Variants in CLASP1 observed in about 807,000 individuals in gnomAD.
CLASP1 encodes the protein cytoplasmic linker associated protein 1.
Under a neutral mutation model 192.3 loss-of-function variants are expected in CLASP1, and 38 were observed. The ratio of observed to expected loss-of-function variants is 0.20; its 90% CI spans 0.15 to 0.26. The LOEUF is 0.26. Among genes scored for constraint, CLASP1 ranks in the 10% least tolerant of loss-of-function variants. The pLI is 1.00. For missense variants in CLASP1, 1,433 were observed against 1,932.5 expected, an observed-to-expected ratio of 0.74 and a Z score of 4.85; for synonymous variants, 691 against 712.8, an observed-to-expected ratio of 0.97 and a Z score of 0.49.
intron 8 of CLASP1, chr2:121,490,376 C>T: frequency 4.6e-6 from 2 of 433,226 alleles, no homozygotes; most frequent in South Asian, 1.7e-5. Flanking sequence ...AAACTCTCCA[C>T]CCACACTTGT....
At position 121,528,802 on chromosome 2, in the gene CLASP1, G is replaced by C; in HGVS notation, c.275-22C>G. On this transcript the variant is annotated intron_variant, in intron 3 of 39. Transcript: ENST00000263710. ...AGCACTGAAAATCAAAATGGAAACT[G>C]ATCAAATGAAACCCTATTTGGGGGT... 4 of 1,580,274 alleles carry C rather than the reference G, an allele frequency of 2.5e-6. No homozygotes were observed. In the African/African-American group the frequency reaches 4.0e-5, roughly 16 times the overall value.
chr2:121,432,132 T>C (rs1467908997), intron 19 of CLASP1, among the ~76,000 whole-genome samples: 2 of 152,150 alleles, frequency 1.3e-5, no homozygotes, highest in Admixed American at 1.3e-4. Context: ...AATTAATATA[T>C]GAGGCAGAGT....
chr2:121,621,540 T>C (rs2067354439), intron 1 of CLASP1, among the ~76,000 whole-genome samples: 1 of 152,238 alleles, frequency 6.6e-6, no homozygotes, highest in South Asian at 2.1e-4. Context: ...TGTGTGGACC[T>C]GTACCACCAT....
At chr2:121,607,289 A>G (rs2064563636) in intron 1 of CLASP1, among the ~76,000 whole-genome samples, 1 of 152,138 alleles carries the variant, frequency 6.6e-6, no homozygotes, top group African/African-American at 2.4e-5. Flanking sequence ...CGGTGAGCCG[A>G]CACAGTGCCA....
chr2:121,421,576 T>C (rs1405306744), intron 22 of CLASP1, among the ~76,000 whole-genome samples: 1 of 151,960 alleles, frequency 6.6e-6, no homozygotes, highest in Non-Finnish European at 1.5e-5. Flanking sequence ...CAGAGTCTTC[T>C]TCTGTTGACC....
intron 14 of CLASP1, among the ~76,000 whole-genome samples, chr2:121,455,744 C>T (rs999892268): frequency 3.3e-5 from 5 of 152,156 alleles, no homozygotes; most frequent in Non-Finnish European, 7.3e-5. Flanking sequence ...CGCCTATGGT[C>T]TCAGCTACTT....
intron 7 of CLASP1, among the ~76,000 whole-genome samples, chr2:121,510,491 A>C (rs111709843): frequency 0.011 from 1,702 of 152,324 alleles, 32 homozygotes; most frequent in East Asian, 0.059. Context: ...AACTGATTTG[A>C]AAAGAAACAG....
chr2:121,477,192 G>A (rs1473396074), intron 8 of CLASP1, among the ~76,000 whole-genome samples: 1 of 152,196 alleles, frequency 6.6e-6, no homozygotes, highest in Non-Finnish European at 1.5e-5. Context: ...CAGAGTCTGG[G>A]CCAACACCCA....
At chr2:121,361,134 C>CT (rs2066321329) in intron 37 of CLASP1, among the ~76,000 whole-genome samples, 1 of 152,144 alleles carries the variant, frequency 6.6e-6, no homozygotes, top group African/African-American at 2.4e-5. Flanking sequence ...ATGCCCGAGT[C>CT]TAAGTATGTA....
chr2:121,410,825 T>C, intron 24 of CLASP1, 41 bp downstream of exon 25: 1 of 1,202,466 alleles, frequency 8.3e-7, no homozygotes, highest in South Asian at 1.4e-5. Flanking sequence ...TGCAGATGAG[T>C]ATTTCAAAAA....
chr2:121,595,329 C>G (rs2063007602), intron 2 of CLASP1, among the ~76,000 whole-genome samples: 1 of 152,146 alleles, frequency 6.6e-6, no homozygotes, highest in African/African-American at 2.4e-5. Context: ...ATAATTACAC[C>G]AGGCAATGCA....
At chr2:121,558,739 TTC>T (rs2058805150) in intron 2 of CLASP1, among the ~76,000 whole-genome samples, 1 of 152,218 alleles carries the variant, frequency 6.6e-6, no homozygotes, top group South Asian at 2.1e-4. Context: ...GTTTCAGGTA[TTC>T]TGTTATAAAC....
intron 37 of CLASP1, among the ~76,000 whole-genome samples, chr2:121,349,091 T>C (rs918945736): frequency 1.3e-5 from 2 of 152,008 alleles, no homozygotes; most frequent in Admixed American, 6.5e-5. Context: ...ATACAAAAAA[T>C]TAGCCGGACG....
At chr2:121,599,330 C>T (rs189021394) in intron 2 of CLASP1, among the ~76,000 whole-genome samples, 2 of 150,300 alleles carry the variant, frequency 1.3e-5, no homozygotes, top group Non-Finnish European at 3.0e-5. Flanking sequence ...TGGCTCACAA[C>T]TGTAATCCCA....
intron 16 of CLASP1, among the ~76,000 whole-genome samples, chr2:121,450,423 A>C (rs778227939): frequency 6.6e-6 from 1 of 152,172 alleles, no homozygotes; most frequent in Non-Finnish European, 1.5e-5. Context: ...AAAGTACCTC[A>C]CTTGTTGAGA....
exon 36 of CLASP1, chr2:121,365,172 C>T (rs374461992): frequency 6.2e-7 from 1 of 1,613,786 alleles, no homozygotes; most frequent in African/African-American, 1.3e-5. Flanking sequence ...GGCTGTCTTC[C>T]CGCGTGATCT....
intron 1 of CLASP1, among the ~76,000 whole-genome samples, chr2:121,609,431 C>T (rs1308146773): frequency 6.6e-6 from 1 of 152,210 alleles, no homozygotes; most frequent in Non-Finnish European, 1.5e-5. Context: ...AGATTGAATT[C>T]TCTCTTCTTT....
chr2:121,358,165 CTTT>C (rs923949944), intron 37 of CLASP1, among the ~76,000 whole-genome samples: 15 of 152,148 alleles, frequency 9.9e-5, no homozygotes, highest in African/African-American at 3.6e-4. Flanking sequence ...GGGGTTTTGT[CTTT>C]TTATTAAAAA....
At chr2:121,645,039 T>A (rs1408984154) in intron 1 of CLASP1, among the ~76,000 whole-genome samples, 1 of 151,884 alleles carries the variant, frequency 6.6e-6, no homozygotes, top group African/African-American at 2.4e-5. Flanking sequence ...GACTAACCAT[T>A]TAGGGCTGTT....
Sources: allele counts gnomAD v4.1 joint callset (sites outside exome capture counted in the v4.1 genomes callset), GRCh38; gene constraint gnomAD v4.1.1; transcripts MANE v1.5; gene names NCBI Gene and HGNC (gene_info 2026-07-23, HGNC 2026-07-21).